Variants in CHD8 observed in about 807,000 individuals in gnomAD.
CHD8 encodes the protein ATP-dependent chromatin remodeler CHD8.
In CHD8, 31 loss-of-function variants were observed where a neutral mutation model predicts 279.2. The observed-to-expected ratio is 0.11, with a 90% CI of 0.08 to 0.15. CHD8 has a LOEUF of 0.15. Among genes scored for constraint, CHD8 ranks in the 10% least tolerant of loss-of-function variants. The pLI, the probability that CHD8 is intolerant of heterozygous loss-of-function variation, is 1.00. For synonymous variants in CHD8, 1,081 were observed against 1,139.6 expected (o/e 0.95, Z 1.04); for missense variants, 2,146 against 3,230.5 (o/e 0.66, Z 8.14).
At chr14:21,428,321 C>G (rs1412067373) in intron 3 of CHD8, 67 bp from the exon 4 acceptor site, 1 of 1,468,554 alleles carries the variant, frequency 6.8e-7, no homozygotes, top group Non-Finnish European at 9.3e-7. Flanking sequence ...AAATCCAGCT[C>G]TGAAGCAGGG....
At chr14:21,439,738 TAA>T (rs1485823009) in intron 1 of CHD8, among the ~76,000 whole-genome samples, 1 of 152,224 alleles carries the variant, frequency 6.6e-6, no homozygotes, top group African/African-American at 2.4e-5. Context: ...CCCAATTACT[TAA>T]GACAATATCT....
rs1888622804 is a variant in CHD8 at position 21,414,176 on chromosome 14, A to C, written c.2142+125T>G. On this transcript the variant is annotated intron_variant, in intron 9 of 37. Coordinates refer to ENST00000646647, the MANE Select transcript of CHD8 (RefSeq NM_001170629.2). ...TAAGTAAGGGAAGTCAATGACCAAA[A>C]TTGAAAGTTTACACCCATATATAGA... 3 of 615,366 alleles carry C rather than the reference A, an allele frequency of 4.9e-6. No individual in the cohort carries two copies. In the African/African-American group the frequency reaches 5.6e-5, roughly 11 times the overall value. The allele number at this position is 615,366 out of a possible 1,614,324, so 38.1% of individuals were successfully genotyped here. A position where few individuals can be genotyped will look rare whatever the true frequency, so the allele number is the denominator to read the frequency against.
intron 10 of CHD8, among the ~76,000 whole-genome samples, chr14:21,411,479 T>C (rs1888490341): frequency 6.6e-6 from 1 of 152,158 alleles, no homozygotes; most frequent in Non-Finnish European, 1.5e-5. Context: ...GAATGATGTA[T>C]GGGAGGATCA....
chr14:21,423,432 T>C (rs1020342179), intron 5 of CHD8, among the ~76,000 whole-genome samples: 1 of 152,092 alleles, frequency 6.6e-6, no homozygotes, highest in Admixed American at 6.5e-5. Context: ...AATCCATTCA[T>C]GAGGGTAACG....
At chr14:21,434,099 G>A (rs1889675838) in intron 1 of CHD8, among the ~76,000 whole-genome samples, 1 of 147,544 alleles carries the variant, frequency 6.8e-6, no homozygotes, top group South Asian at 2.1e-4. Context: ...AGGCTGGAGT[G>A]CAATGGCGCG....
chr14:21,404,169 G>A (rs1292242478), intron 16 of CHD8, among the ~76,000 whole-genome samples: 1 of 151,192 alleles, frequency 6.6e-6, no homozygotes. Context: ...AGACCGAAGC[G>A]GGCAGATCAC....
chr14:21,444,786 T>C lies in CHD8; in HGVS notation c.-216+11246A>G, dbSNP rs1325637156. 3.3e-5 allele frequency among the ~76,000 whole-genome samples: 5 copies of C among 152,234 alleles called. No individual in the cohort carries two copies. In the East Asian group the frequency reaches 9.6e-4, roughly 29 times the overall value. ...ACTTTGGTCCTAGACCTTCTTTTCA[T>C]TCTATACTTTCTTTTCAAGGATGTT... On this transcript the variant is annotated intron_variant, in intron 1 of 37. Coordinates refer to ENST00000646647, the MANE Select transcript of CHD8 (RefSeq NM_001170629.2).
At chr14:21,427,638 A>G (rs1409531113) in intron 4 of CHD8, 5 of 1,469,776 alleles carry the variant, frequency 3.4e-6, no homozygotes, top group African/African-American at 2.9e-5. Context: ...GAGGTACCAG[A>G]TGTTTGCTCT....
chr14:21,448,524 T>G (rs1287699842), intron 1 of CHD8, among the ~76,000 whole-genome samples: 3 of 152,134 alleles, frequency 2.0e-5, no homozygotes, highest in African/African-American at 4.8e-5. Flanking sequence ...TCTAGTGCTG[T>G]GGTCAAAGAC....
intron 5 of CHD8, among the ~76,000 whole-genome samples, chr14:21,423,178 A>G (rs972459460): frequency 7.9e-5 from 12 of 152,248 alleles, no homozygotes; most frequent in Non-Finnish European, 1.2e-4. Context: ...AGATTGCGCC[A>G]TTGCACTCCA....
intron 9 of CHD8, among the ~76,000 whole-genome samples, chr14:21,413,556 G>A (rs1227785240): frequency 1.3e-5 from 2 of 151,856 alleles, no homozygotes; most frequent in Non-Finnish European, 2.9e-5. Context: ...CACTATGACC[G>A]GCTAATTTTT....
At chr14:21,407,165 G>A (rs574109644) in intron 13 of CHD8, 133 bp from the exon 14 acceptor site, 1 of 656,688 alleles carries the variant, frequency 1.5e-6, no homozygotes, top group Admixed American at 3.2e-5. Flanking sequence ...CTCCACCGCT[G>A]TTTATCTTCC....
At chr14:21,412,647 T>C (rs893909356) in intron 10 of CHD8, among the ~76,000 whole-genome samples, 2 of 152,154 alleles carry the variant, frequency 1.3e-5, no homozygotes, top group Non-Finnish European at 1.5e-5. Context: ...AGTCTCCCAT[T>C]TAAAATATGA....
chr14:21,431,789 G>A lies in CHD8; in HGVS notation c.-146C>T, dbSNP rs1390996550. The A allele has an allele frequency of 6.2e-7, 1 of 1,613,380 alleles. No individual in the cohort carries two copies. Among genetic ancestry groups the A allele is most frequent in the South Asian group, 1.1e-5 (1 of 91,062 alleles). Reference sequence around the variant, plus strand: ...CTTCAAGTATAGAGGCAAGAAACAAGTGCATGTCAGATTGTCCTGACCTTC... The same window carrying A: ...CTTCAAGTATAGAGGCAAGAAACAAATGCATGTCAGATTGTCCTGACCTTC... On this transcript the variant is annotated 5_prime_UTR_variant, in exon 2 of 38. Coordinates refer to ENST00000646647, the MANE Select transcript of CHD8 (RefSeq NM_001170629.2).
In CHD8 at chr14:21,429,019, C is replaced by T. The variant is rs1889448855; in HGVS notation, c.1160G>A (p.Gly387Glu). The T allele has an allele frequency of 6.2e-7, 1 of 1,613,962 alleles. No individual in the cohort carries two copies. The highest frequency in any genetic ancestry group is 8.5e-7 in the Non-Finnish European group (1 of 1,179,890). Residue 387 changes from glycine (G) to glutamate (E), a missense_variant, in exon 3 of 38, where the codon GGA becomes GAA. Gly to Glu is a moderately conservative substitution (Grantham distance 98, BLOSUM62 -2). This residue lies in a region of CHD8 where 170 missense variants were observed against 189.9 expected (regional missense o/e 0.90). Transcript: ENST00000646647. ...TGAAAGTCTTTGTCCTGGGCTTTGT[C>T]CTGGTCCCATTATCTGAGCCTGCTG... ...SVQQAQIMGP[G>E]QSPGQRLSVP...
Position 21,391,578 on chromosome 14 carries a change from A to G in CHD8, c.6950T>C (p.Val2317Ala). The G allele has an allele frequency of 6.2e-7, 1 of 1,613,298 alleles. No homozygotes were observed. Among genetic ancestry groups the G allele is most frequent in the Non-Finnish European group, 8.5e-7 (1 of 1,179,658 alleles). Residue 2317 changes from valine (V) to alanine (A), a missense_variant, in exon 36 of 38, where the codon GTC becomes GCC. Val to Ala is a moderately conservative substitution (Grantham distance 64). Around this residue, in one of 26 missense-constraint regions of CHD8, gnomAD observed 336 missense variants for 392.9 expected, o/e 0.86. Transcript: ENST00000646647. ...CAAAGTACCATCCACCTTATTGATG[A>G]CAGGGATCCGGGTCTCCAGGTCCAC... Reference protein sequence around the residue: ...LDVDLETRIPVINKVDGTLLV... With the variant: ...LDVDLETRIPAINKVDGTLLV...
chr14:21,449,931 G>A (rs1483747671), intron 1 of CHD8, among the ~76,000 whole-genome samples: 3 of 152,118 alleles, frequency 2.0e-5, no homozygotes, highest in Non-Finnish European at 4.4e-5. Flanking sequence ...TAAAACAGGC[G>A]AAAGCACTAA....
At chr14:21,410,012 T>G in intron 10 of CHD8, 24 bp from the exon 11 acceptor site, 1 of 1,587,468 alleles carries the variant, frequency 6.3e-7, no homozygotes, top group African/African-American at 1.4e-5. Flanking sequence ...AACCAAAGCC[T>G]TAAGAAACTG....
intron 37 of CHD8, among the ~76,000 whole-genome samples, chr14:21,387,394 G>A (rs1887301158): frequency 6.6e-6 from 1 of 152,148 alleles, no homozygotes; most frequent in African/African-American, 2.4e-5. Context: ...CACTTTGGGA[G>A]GCTGAGGGCA....
Sources: allele counts gnomAD v4.1 joint callset (sites outside exome capture counted in the v4.1 genomes callset), GRCh38; gene constraint gnomAD v4.1.1; regional missense constraint gnomAD v4.1.1; transcripts MANE v1.5; gene names NCBI Gene and HGNC (gene_info 2026-07-23, HGNC 2026-07-21).